Variants in RBM19 observed in about 807,000 individuals in gnomAD.
RBM19 encodes the protein probable RNA-binding protein 19.
In RBM19, 94 loss-of-function variants were observed where a neutral mutation model predicts 116.8. That is an observed-to-expected ratio of 0.80 (90% CI 0.68 to 0.95). RBM19 has a LOEUF of 0.95. RBM19 is among the 40% of genes least tolerant of loss of function. The pLI, the probability that RBM19 is intolerant of heterozygous loss-of-function variation, is 0.00. For missense variants in RBM19, 1,161 were observed against 1,220.7 expected, an observed-to-expected ratio of 0.95 and a Z score of 0.73; for synonymous variants, 475 against 494.1, an observed-to-expected ratio of 0.96 and a Z score of 0.51.
intron 20 of RBM19, 54 bp from the exon 21 acceptor site, chr12:113,915,139 C>T: frequency 7.3e-7 from 1 of 1,374,382 alleles, no homozygotes; most frequent in Non-Finnish European, 1.0e-6. Flanking sequence ...GCAGCTCCTG[C>T]CCAACATTGA....
chr12:113,901,192 T>C (rs1881662073), intron 21 of RBM19, among the ~76,000 whole-genome samples: 1 of 152,202 alleles, frequency 6.6e-6, no homozygotes, highest in Admixed American at 6.5e-5. Context: ...ACTTACTAGG[T>C]CAGCCTTTTG....
At chr12:113,931,151 T>C (rs374146117) in intron 16 of RBM19, among the ~76,000 whole-genome samples, 29 of 152,286 alleles carry the variant, frequency 1.9e-4, no homozygotes, top group African/African-American at 6.7e-4. Context: ...TTTAAATGAA[T>C]TGTAAATTAA....
chr12:113,914,846 T>C, intron 21 of RBM19, 123 bp downstream of exon 21: 3 of 827,348 alleles, frequency 3.6e-6, no homozygotes, highest in Non-Finnish European at 6.1e-6. Context: ...AAAGATGACC[T>C]TTGAAAGACC....
intron 16 of RBM19, 31 bp from the exon 17 acceptor site, chr12:113,927,260 A>C: frequency 1.3e-6 from 2 of 1,537,694 alleles, no homozygotes; most frequent in Non-Finnish European, 1.7e-6. Flanking sequence ...AAACAAAAAC[A>C]AAAACATCAA....
chr12:113,938,981 G>A (rs1870312739), intron 15 of RBM19, among the ~76,000 whole-genome samples: 1 of 152,236 alleles, frequency 6.6e-6, no homozygotes, highest in Non-Finnish European at 1.5e-5. Context: ...GACAGCCACA[G>A]CCAGCAAACT....
chr12:113,866,477 ACCCACAGACTC>A (rs1878817601), intron 21 of RBM19, among the ~76,000 whole-genome samples: 1 of 152,120 alleles, frequency 6.6e-6, no homozygotes, highest in Non-Finnish European at 1.5e-5. Context: ...TTCAGATGGA[ACCCACAGACTC>A]TCCTGAGAGG....
At chr12:113,955,100 C>T in intron 7 of RBM19, 31 bp downstream of exon 7, 3 of 1,609,444 alleles carry the variant, frequency 1.9e-6, no homozygotes, top group East Asian at 2.2e-5. Flanking sequence ...CTCCCGCAGG[C>T]TGCCGACCCT....
intron 21 of RBM19, among the ~76,000 whole-genome samples, chr12:113,878,346 C>T (rs182298912): frequency 1.5e-3 from 232 of 152,206 alleles, no homozygotes; most frequent in African/African-American, 5.3e-3. Context: ...TATTAGAAGC[C>T]GTGAGAAGAT....
intron 21 of RBM19, among the ~76,000 whole-genome samples, chr12:113,912,312 A>G (rs1882481123): frequency 6.6e-6 from 1 of 152,188 alleles, no homozygotes; most frequent in African/African-American, 2.4e-5. Context: ...CCCCACAGAG[A>G]GACCTGAGTC....
intron 21 of RBM19, among the ~76,000 whole-genome samples, chr12:113,897,009 G>A (rs1593548964): frequency 6.6e-6 from 1 of 152,338 alleles, no homozygotes; most frequent in Middle Eastern, 3.4e-3. Flanking sequence ...CAGGAAAGGT[G>A]TCAGTTCACT....
chr12:113,839,645 C>A (rs1593467011), intron 23 of RBM19, among the ~76,000 whole-genome samples: 1 of 152,220 alleles, frequency 6.6e-6, no homozygotes, highest in Non-Finnish European at 1.5e-5. Flanking sequence ...TGAGACCCCT[C>A]ACTGCAAGGG....
chr12:113,896,339 G>T (rs535168861), intron 21 of RBM19, among the ~76,000 whole-genome samples: 2 of 152,258 alleles, frequency 1.3e-5, no homozygotes, highest in South Asian at 4.1e-4. Flanking sequence ...GCCCCATCAC[G>T]TGAGGTGCTT....
chr12:113,930,507 C>A (rs1566023519), intron 16 of RBM19, among the ~76,000 whole-genome samples: 1 of 152,184 alleles, frequency 6.6e-6, no homozygotes, highest in Non-Finnish European at 1.5e-5. Context: ...TAGCCCCAGC[C>A]CAGGAAGAAC....
chr12:113,950,202 C>T, intron 8 of RBM19, 48 bp from the exon 9 acceptor site: 2 of 1,454,350 alleles, frequency 1.4e-6, no homozygotes, highest in Non-Finnish European at 1.9e-6. Context: ...CTTGCAGACA[C>T]TTGTGGTGGT....
At chr12:113,913,969 C>G (rs996907370) in intron 21 of RBM19, among the ~76,000 whole-genome samples, 2 of 152,144 alleles carry the variant, frequency 1.3e-5, no homozygotes, top group African/African-American at 4.8e-5. Context: ...GGTGGGGGGG[C>G]CTTGGCTTCA....
intron 7 of RBM19, among the ~76,000 whole-genome samples, chr12:113,954,402 T>C (rs1286543259): frequency 1.3e-5 from 2 of 152,190 alleles, no homozygotes; most frequent in Admixed American, 6.5e-5. Context: ...ACTGGGTAGA[T>C]ACAAGTGTGT....
chr12:113,834,744 C>T (rs11615428), intron 23 of RBM19, among the ~76,000 whole-genome samples: 24,785 of 152,028 alleles, frequency 0.16, 2,193 homozygotes, highest in Admixed American at 0.28. Context: ...ATACAGGGTA[C>T]GATGGAACAC....
At chr12:113,927,007 G>A in intron 17 of RBM19, 47 bp downstream of exon 17, 1 of 1,574,842 alleles carries the variant, frequency 6.3e-7, no homozygotes, top group Non-Finnish European at 8.6e-7. Context: ...AGTAGACTGG[G>A]GTTTCCCATC....
At chr12:113,890,532 G>A (rs1329464551) in intron 21 of RBM19, among the ~76,000 whole-genome samples, 4 of 152,242 alleles carry the variant, frequency 2.6e-5, no homozygotes, top group African/African-American at 7.2e-5. Flanking sequence ...CTCTTCATGA[G>A]TGGAACACGC....
Sources: gnomAD v4.1 joint callset for allele counts (sites outside exome capture counted in the v4.1 genomes callset) on GRCh38, gnomAD v4.1.1 for gene constraint, MANE v1.5 for transcripts, NCBI Gene and HGNC (gene_info 2026-07-23, HGNC 2026-07-21) for gene names.